The following FNIP1 variants were observed in gnomAD, a reference collection of about 807,000 sequenced individuals.
FNIP1 encodes folliculin interacting protein 1, also known as folliculin-interacting protein 1.
In FNIP1, 40 loss-of-function variants were observed where a neutral mutation model predicts 124.5. The observed-to-expected ratio is 0.32, with a 90% confidence interval of 0.25 to 0.42. FNIP1 has a LOEUF of 0.42. FNIP1 is among the 10% of genes least tolerant of loss of function. The pLI, the probability that FNIP1 is intolerant of heterozygous loss-of-function variation, is 1.00. For synonymous variants in FNIP1, 472 were observed against 470.6 expected (o/e 1.00, Z -0.04); for missense variants, 1,176 against 1,403.7 (o/e 0.84, Z 2.59).
chr5:131,719,658 G>C (rs1478703786), intron 3 of FNIP1, among the ~76,000 whole-genome samples: 3 of 152,152 alleles, frequency 2.0e-5, no homozygotes, highest in African/African-American at 7.2e-5. Context: ...TTTATTGTAT[G>C]AAAATACTAC....
At chr5:131,785,008 C>CA (rs1554100656) in intron 1 of FNIP1, among the ~76,000 whole-genome samples, 1 of 13,746 alleles carries the variant, frequency 7.3e-5, no homozygotes, top group African/African-American at 1.5e-4. Context: ...ATATATATGA[C>CA]TATATATATG....
intron 14 of FNIP1, 106 bp from the exon 15 acceptor site, chr5:131,670,737 G>A: frequency 1.3e-6 from 1 of 751,016 alleles, no homozygotes; most frequent in Non-Finnish European, 2.0e-6. Context: ...ACACTAGTCT[G>A]TATTAAAATC....
intron 1 of FNIP1, among the ~76,000 whole-genome samples, chr5:131,770,215 C>T (rs1182904749): frequency 6.6e-6 from 1 of 152,130 alleles, no homozygotes; most frequent in Non-Finnish European, 1.5e-5. Flanking sequence ...ATCACAGGGC[C>T]CAGACTGGTC....
At chr5:131,673,277 A>G (rs912821022) in intron 13 of FNIP1, among the ~76,000 whole-genome samples, 1 of 148,652 alleles carries the variant, frequency 6.7e-6, no homozygotes, top group African/African-American at 2.5e-5. Context: ...GGTGGTCTTG[A>G]GCTCCTGGGC....
intron 4 of FNIP1, 106 bp downstream of exon 4, chr5:131,719,211 G>T: frequency 8.5e-7 from 1 of 1,174,180 alleles, no homozygotes; most frequent in Non-Finnish European, 1.2e-6. Flanking sequence ...ATGTTAAATG[G>T]AGTATGACAA....
At chr5:131,735,557 TAC>T (rs2149553898) in intron 2 of FNIP1, among the ~76,000 whole-genome samples, 1 of 148,474 alleles carries the variant, frequency 6.7e-6, no homozygotes, top group South Asian at 2.1e-4. Flanking sequence ...TATATACATA[TAC>T]ACATATTTAT....
At chr5:131,713,031 A>C (rs573130511) in intron 6 of FNIP1, among the ~76,000 whole-genome samples, 11 of 151,602 alleles carry the variant, frequency 7.3e-5, no homozygotes, top group African/African-American at 2.7e-4. Flanking sequence ...TTTCCCCCTC[A>C]GTCTTAGTCT....
At chr5:131,718,027 CAAA>C (rs34050795) in intron 5 of FNIP1, among the ~76,000 whole-genome samples, 1 of 142,584 alleles carries the variant, frequency 7.0e-6, no homozygotes. Flanking sequence ...ACTAAAAATA[CAAA>C]AAAAAAAAAA....
intron 1 of FNIP1, 67 bp downstream of exon 1, chr5:131,796,763 C>G: frequency 1.4e-6 from 2 of 1,455,280 alleles, no homozygotes; most frequent in Non-Finnish European, 1.9e-6. Context: ...CCGAAGGCCC[C>G]AACACCCCTG....
In FNIP1 at chr5:131,710,585, G is replaced by A. The variant is rs779563495; in HGVS notation, c.699C>T (p.Phe233=). ...ACACAGCACATCGCAAACCTGCAAAGAAAGAGGCGCTCCTGATCAGGCGGA... is the reference window on the plus strand; with the variant it reads ...ACACAGCACATCGCAAACCTGCAAAAAAAGAGGCGCTCCTGATCAGGCGGA... ...GPLRLIRSAS[F]FAVHSNPMDM... is the part of the protein sequence containing the mutation. The change falls in exon 7 of 18, where the codon TTC becomes TTT. Residue 233 remains phenylalanine, a synonymous_variant. Transcript: ENST00000510461. The A allele has an allele frequency of 6.2e-7, 1 of 1,613,742 alleles. No individual in the cohort carries two copies. The highest frequency in any genetic ancestry group is 1.7e-5 in the Admixed American group (1 of 59,876).
At chr5:131,733,646 T>C (rs1770181634) in intron 2 of FNIP1, among the ~76,000 whole-genome samples, 1 of 152,250 alleles carries the variant, frequency 6.6e-6, no homozygotes, top group Non-Finnish European at 1.5e-5. Context: ...GATTTGCGTA[T>C]GTTAAACCAG....
chr5:131,681,755 C>A (rs2149519650), intron 11 of FNIP1, among the ~76,000 whole-genome samples: 5 of 96,628 alleles, frequency 5.2e-5, no homozygotes, highest in South Asian at 4.6e-4. Context: ...CCAGGAGTGC[C>A]AATTTCTAAA....
intron 11 of FNIP1, among the ~76,000 whole-genome samples, chr5:131,697,649 T>C (rs975000399): frequency 2.0e-5 from 3 of 151,672 alleles, no homozygotes; most frequent in East Asian, 3.9e-4. Flanking sequence ...GTGACTTAAG[T>C]TGGGGAAGCA....
intron 13 of FNIP1, among the ~76,000 whole-genome samples, chr5:131,675,082 GT>G (rs1411000459): frequency 1.3e-5 from 2 of 152,150 alleles, no homozygotes; most frequent in Non-Finnish European, 2.9e-5. Flanking sequence ...CTTCTTGGCA[GT>G]CAGAAGAAGA....
chr5:131,663,632 C>T (rs1199187251), intron 15 of FNIP1, among the ~76,000 whole-genome samples: 1 of 152,180 alleles, frequency 6.6e-6, no homozygotes, highest in Non-Finnish European at 1.5e-5. Context: ...AGGTGATAAA[C>T]TGCTTCTGTG....
chr5:131,712,940 T>A (rs191173828), intron 6 of FNIP1, among the ~76,000 whole-genome samples: 104 of 152,338 alleles, frequency 6.8e-4, no homozygotes, highest in African/African-American at 2.5e-3. Context: ...TCCATATTAT[T>A]TTATATTACC....
At chr5:131,665,719 A>G (rs1193509381) in intron 15 of FNIP1, among the ~76,000 whole-genome samples, 1 of 150,702 alleles carries the variant, frequency 6.6e-6, no homozygotes, top group East Asian at 2.0e-4. Flanking sequence ...CCTCCCGAGT[A>G]GCTGGGATTA....
At chr5:131,669,720 T>C (rs920055155) in intron 15 of FNIP1, among the ~76,000 whole-genome samples, 9 of 151,880 alleles carry the variant, frequency 5.9e-5, no homozygotes, top group African/African-American at 1.9e-4. Context: ...AAAAGAAGTA[T>C]TCGGTTAAAC....
intron 2 of FNIP1, among the ~76,000 whole-genome samples, chr5:131,733,086 A>T (rs1434010680): frequency 6.6e-6 from 1 of 151,912 alleles, no homozygotes; most frequent in Non-Finnish European, 1.5e-5. Flanking sequence ...ATTCTCTTTG[A>T]AGCAATTGTG....
Sources: allele counts gnomAD v4.1 joint callset (sites outside exome capture counted in the v4.1 genomes callset), GRCh38; gene constraint gnomAD v4.1.1; transcripts MANE v1.5; gene names NCBI Gene and HGNC (gene_info 2026-07-23, HGNC 2026-07-21).